PRDM2: variants seen among roughly 807,000 people sequenced by gnomAD.
PRDM2 encodes the protein PR domain zinc finger protein 2.
Under a neutral mutation model 130.0 loss-of-function variants are expected in PRDM2, and 30 were observed. The observed-to-expected ratio is 0.23, with a 90% confidence interval of 0.17 to 0.31. The LOEUF is 0.31. Among genes scored for constraint, PRDM2 ranks in the 10% least tolerant of loss-of-function variants. The probability of loss-of-function intolerance (pLI) is 1.00; values close to 1 mark genes in which losing one functional copy is unlikely to be tolerated. For synonymous variants in PRDM2, 871 were observed against 782.4 expected (o/e 1.11, Z -1.89); for missense variants, 2,011 against 2,108.4 (o/e 0.95, Z 0.90).
intron 8 of PRDM2, among the ~76,000 whole-genome samples, chr1:13,804,936 C>T (rs1158766901): frequency 6.6e-6 from 1 of 152,178 alleles, no homozygotes; most frequent in Non-Finnish European, 1.5e-5. Context: ...ACTCTTCAAT[C>T]CTCACTACTA....
intron 1 of PRDM2, among the ~76,000 whole-genome samples, chr1:13,708,867 G>A (rs1046834623): frequency 9.9e-5 from 15 of 152,114 alleles, no homozygotes; most frequent in Non-Finnish European, 1.9e-4. Context: ...TGTCTGCGCA[G>A]TCTCTCTCCA....
chr1:13,766,454 A>G (rs1644229218), intron 6 of PRDM2, among the ~76,000 whole-genome samples: 1 of 152,220 alleles, frequency 6.6e-6, no homozygotes, highest in Non-Finnish European at 1.5e-5. Context: ...TTATGGTATT[A>G]GTGATAGCCA....
At chr1:13,783,434 C>G (rs1219719075) in intron 8 of PRDM2, among the ~76,000 whole-genome samples, 4 of 152,192 alleles carry the variant, frequency 2.6e-5, no homozygotes, top group Non-Finnish European at 4.4e-5. Context: ...AAGTCAGGAT[C>G]TGGATGGGAA....
chr1:13,771,314 C>T lies in PRDM2; in HGVS notation c.512-1764C>T, dbSNP rs1469603044. On this transcript the variant is annotated intron_variant, in intron 6 of 9. Coordinates refer to ENST00000311066, the MANE Select transcript of PRDM2 (RefSeq NM_001393986.1). The surrounding 1 kb of genome is among the most constrained non-coding windows in gnomAD (Gnocchi z 4.1). ...GTGTGGTCCCGGTGAAGTGTGTGCT[C>T]GTTTTTTGAGTTCCATTTTAAGTGC... Among the ~76,000 whole-genome samples the T allele has an allele frequency of 2.0e-5, 3 of 152,084 alleles. No individual in the cohort carries two copies. Among genetic ancestry groups the T allele is most frequent in the African/African-American group, 4.8e-5 (2 of 41,398 alleles).
intron 1 of PRDM2, among the ~76,000 whole-genome samples, chr1:13,708,973 G>A (rs895859427): frequency 3.3e-5 from 5 of 152,090 alleles, no homozygotes; most frequent in African/African-American, 1.2e-4. Flanking sequence ...CAAGGTTGGG[G>A]CTGTATTTTT....
At chr1:13,768,876 A>G (rs1644294453) in intron 6 of PRDM2, among the ~76,000 whole-genome samples, 1 of 152,244 alleles carries the variant, frequency 6.6e-6, no homozygotes, top group African/African-American at 2.4e-5. Context: ...TACAGGCCCA[A>G]GAATGAATAT....
At chr1:13,813,494 AG>A (rs1308335990) in intron 8 of PRDM2, among the ~76,000 whole-genome samples, 4 of 152,220 alleles carry the variant, frequency 2.6e-5, no homozygotes, top group Non-Finnish European at 5.9e-5. Flanking sequence ...TGGTGGCCTA[AG>A]GAGCTGAAAG....
At chr1:13,714,620 T>G (rs773063654) in intron 1 of PRDM2, among the ~76,000 whole-genome samples, 65 of 152,214 alleles carry the variant, frequency 4.3e-4, no homozygotes, top group Non-Finnish European at 3.1e-4. Context: ...GTAGGAAGAA[T>G]GTCACTAAAT....
chr1:13,781,904 C>T lies in PRDM2; in HGVS notation c.4109C>T (p.Pro1370Leu), dbSNP rs768005176. ...AAGAGGTACACGCCTAAGAAAAACC[C>T]AGTACCATTAAAACAAACTGTGCAA... ...DKKRYTPKKN[P>L]VPLKQTVQPK... The change falls in exon 8 of 10, where the codon CCA (proline) becomes CTA (leucine). Residue 1370 changes from proline (P) to leucine (L), a missense_variant. By Grantham distance (98) the Pro-to-Leu change is moderately conservative. Coordinates refer to ENST00000311066, the MANE Select transcript of PRDM2 (RefSeq NM_001393986.1). The surrounding 1 kb of genome is among the most constrained non-coding windows in gnomAD (Gnocchi z 6.1). The T allele has an allele frequency of 6.2e-7, 1 of 1,614,212 alleles. No homozygotes were observed. Among genetic ancestry groups the T allele is most frequent in the Non-Finnish European group, 8.5e-7 (1 of 1,180,038 alleles).
chr1:13,823,047 T>C, intron 9 of PRDM2, 112 bp from the exon 10 acceptor site: 1 of 1,058,098 alleles, frequency 9.5e-7, no homozygotes, highest in Non-Finnish European at 1.4e-6. Context: ...ATGTATGGTA[T>C]GTTTCAATAA....
rs1644587739 is a variant in PRDM2, at chr1:13,780,648, G to C, written c.2853G>C (p.Leu951=). The change falls in exon 8 of 10, where the codon CTG becomes CTC. Residue 951 remains leucine (L), a synonymous_variant. Coordinates refer to ENST00000311066, the MANE Select transcript of PRDM2 (RefSeq NM_001393986.1). ...ATGTTTGTCCTTCATCACCTGCCCT[G>C]CAGACACCCTCCCTTTCATCCGGTC... ...TPDVCPSSPA[L]QTPSLSSGQL... The C allele has an allele frequency of 6.2e-7, 1 of 1,612,990 alleles. No homozygotes were observed. Among genetic ancestry groups the C allele is most frequent in the African/African-American group, 1.3e-5 (1 of 74,806 alleles).
At position 13,786,960 on chromosome 1, in the gene PRDM2, G is replaced by A. The variant is rs560118970; in HGVS notation, c.5036+4129G>A. 26 of 991,140 alleles carry A rather than the reference G, an allele frequency of 2.6e-5. No individual in the cohort carries two copies. The Admixed American group carries it at 4.2e-4, about 16-fold the overall frequency. The allele number at this position is 991,140 out of a possible 1,614,324, so 61.4% of individuals were successfully genotyped here. On this transcript the variant is annotated intron_variant, in intron 8 of 9. Coordinates refer to ENST00000311066, the MANE Select transcript of PRDM2 (RefSeq NM_001393986.1). ...AGATTTGGATGCACTCATTTAAAACGTTTTGGTCACATATCAGCTCTTGAT... is the reference window on the plus strand; with the variant it reads ...AGATTTGGATGCACTCATTTAAAACATTTTGGTCACATATCAGCTCTTGAT...
At chr1:13,808,725 G>A (rs1393199793) in intron 8 of PRDM2, among the ~76,000 whole-genome samples, 2 of 152,088 alleles carry the variant, frequency 1.3e-5, no homozygotes, top group African/African-American at 2.4e-5. Flanking sequence ...ATTCACTCAC[G>A]CACAGTTAGG....
chr1:13,789,263 TCA>T lies in PRDM2; in HGVS notation c.5036+6435_5036+6436del, dbSNP rs1328405201. Among the ~76,000 whole-genome samples, 3 of 152,382 alleles carry T rather than the reference TCA, an allele frequency of 2.0e-5. No individual in the cohort carries two copies. In the East Asian group the frequency reaches 5.8e-4, roughly 29 times the overall value. ...CCATCCCTGTTACCATTGAAACATTTCACAGTGTTTCTGGTAAATGCCTTGCT... is the reference window on the plus strand; with the variant it reads ...CCATCCCTGTTACCATTGAAACATTTCAGTGTTTCTGGTAAATGCCTTGCT... On this transcript the variant is annotated intron_variant, in intron 8 of 9. Transcript: ENST00000311066.
chr1:13,820,710 A>G (rs1645335277), intron 9 of PRDM2, among the ~76,000 whole-genome samples: 1 of 151,366 alleles, frequency 6.6e-6, no homozygotes, highest in African/African-American at 2.4e-5. Context: ...TCTCCCTTGT[A>G]TGAGAGCTCC....
chr1:13,777,240 G>A (rs565177341), intron 7 of PRDM2, among the ~76,000 whole-genome samples: 4 of 152,044 alleles, frequency 2.6e-5, no homozygotes, highest in East Asian at 3.9e-4. Context: ...TTGTAGTCCC[G>A]CCCTGCTGCC....
chr1:13,763,990 A>G (rs1034289777), intron 6 of PRDM2, among the ~76,000 whole-genome samples: 34 of 152,172 alleles, frequency 2.2e-4, no homozygotes, highest in African/African-American at 8.2e-4. Context: ...GAGTGTTTTC[A>G]TTGTATCTTG....
At chr1:13,746,538 T>TTATC (rs201885744) in intron 5 of PRDM2, among the ~76,000 whole-genome samples, 78 of 89,996 alleles carry the variant, frequency 8.7e-4, no homozygotes, top group African/African-American at 2.4e-3. Context: ...TTTTATTTAT[T>TTATC]TATTTATTTA....
rs1049532200 is a variant in PRDM2 at position 13,717,391 on chromosome 1, T to C, written c.9+1777T>C. On this transcript the variant is annotated intron_variant, in intron 2 of 9. Transcript: ENST00000311066. ...GTTCTCTGCAGTCTAGGAACTGTTT[T>C]GTTGGAGGAGTCTTGATCCTGCGTT... 80 of 985,122 alleles carry C rather than the reference T, an allele frequency of 8.1e-5. 1 individual carries two copies. The highest frequency in any genetic ancestry group is 8.6e-5 in the Non-Finnish European group (71 of 829,744). 61.0% of individuals were successfully genotyped at this position (985,122 alleles called of 1,614,324 possible).
Sources: gnomAD v4.1 joint callset for allele counts (sites outside exome capture counted in the v4.1 genomes callset) on GRCh38, gnomAD v4.1.1 for gene constraint, Gnocchi (gnomAD v3.1) non-coding constraint, MANE v1.5 for transcripts, NCBI Gene and HGNC (gene_info 2026-07-23, HGNC 2026-07-21) for gene names.